The following NEB variants were observed in gnomAD, a reference collection of about 807,000 sequenced individuals.
NEB encodes nebulin, also known as nemaline myopathy type 2.
In NEB, 512 loss-of-function variants were observed where a neutral mutation model predicts 952.2. The ratio of observed to expected loss-of-function variants is 0.54; its 90% confidence interval spans 0.50 to 0.58. NEB has a LOEUF of 0.58. Among genes scored for constraint, NEB ranks in the 20% least tolerant of loss-of-function variants. The pLI is 0.00. For missense variants in NEB, 8,428 were observed against 9,231.1 expected (o/e 0.91, Z 3.56); for synonymous variants, 2,900 against 3,149.8 (o/e 0.92, Z 2.66).
intron 173 of NEB, chr2:151,495,144 A>G (rs958264636): frequency 2.0e-5 from 3 of 152,216 alleles, no homozygotes; most frequent in Non-Finnish European, 4.4e-5. Flanking sequence ...TTTGGCTCTT[A>G]TATCACTATC....
intron 145 of NEB, among the ~76,000 whole-genome samples, chr2:151,529,941 A>C (rs1282407333): frequency 6.6e-6 from 1 of 152,178 alleles, no homozygotes; most frequent in Non-Finnish European, 1.5e-5. Flanking sequence ...ACATCTTGAT[A>C]ACTGCTGATG....
intron 29 of NEB, among the ~76,000 whole-genome samples, chr2:151,681,529 C>T (rs554588837): frequency 4.6e-5 from 7 of 152,298 alleles, no homozygotes; most frequent in East Asian, 1.9e-4. Context: ...ATCACTCTTT[C>T]GGCTTCAGAC....
At chr2:151,575,020 A>G (rs569486464) in intron 107 of NEB, among the ~76,000 whole-genome samples, 53 of 152,308 alleles carry the variant, frequency 3.5e-4, no homozygotes, top group African/African-American at 1.3e-3. Context: ...GATTATAGGC[A>G]TGAGCCACCA....
At position 151,680,848 on chromosome 2, in the gene NEB, G is replaced by C. The variant is rs1247824534; in HGVS notation, c.2944-20C>G. Reference sequence around the variant, plus strand: ...TTTTTTCTGTTTGGCAAATCAAAAAGAGAAAAACAATCTTGTTTTCCACTG... The same window carrying C: ...TTTTTTCTGTTTGGCAAATCAAAAACAGAAAAACAATCTTGTTTTCCACTG... On this transcript the variant is annotated intron_variant, in intron 29 of 181. Coordinates refer to ENST00000397345, the MANE Select transcript of NEB (RefSeq NM_001164508.2). 1.9e-6 allele frequency: 3 copies of C among 1,551,754 alleles called. No homozygotes were observed. Among genetic ancestry groups the C allele is most frequent in the East Asian group, 2.2e-5 (1 of 44,476 alleles).
Position 151,506,571 on chromosome 2 carries a change from G to A in NEB, c.23557-313C>T, listed in dbSNP as rs745617522. Among the ~76,000 whole-genome samples, 43 of 152,138 alleles carry A rather than the reference G, an allele frequency of 2.8e-4. 1 individual carries two copies. The highest frequency in any genetic ancestry group is 5.9e-4 in the Non-Finnish European group (40 of 67,998). On this transcript the variant is annotated intron_variant, in intron 163 of 181. Coordinates refer to ENST00000397345, the MANE Select transcript of NEB (RefSeq NM_001164508.2). ...CATATGTAACACAAAATCCATTAAA[G>A]AAATGCAAACTCAGTCAGTTATTTG...
Position 151,485,913 on chromosome 2 carries a change from A to G in NEB, c.25425T>C (p.Tyr8475=), listed in dbSNP as rs762107118. The part of the protein sequence containing the change: ...STAGKIFRAM[Y]DYMAADADEV... ...CATCTGCATCAGCAGCCATATAGTC[A>G]TACATGGCACGGAAGATTTTCTATT... The change falls in exon 182 of 182, where the codon TAT becomes TAC. Residue 8475 remains tyrosine, a synonymous_variant. Coordinates refer to ENST00000397345, the MANE Select transcript of NEB (RefSeq NM_001164508.2). 3 of 1,613,874 alleles carry G rather than the reference A, an allele frequency of 1.9e-6. No individual in the cohort carries two copies. The South Asian group carries it at 3.3e-5, about 18-fold the overall frequency.
intron 171 of NEB, chr2:151,497,414 C>T (rs1274234561): frequency 1.0e-6 from 1 of 976,228 alleles, no homozygotes; most frequent in Non-Finnish European, 1.2e-6. Context: ...TTGAAAATAC[C>T]AGATGAAATA....
chr2:151,677,749 T>A lies in NEB; in HGVS notation c.3590A>T (p.Asn1197Ile). ...CCAGCCAATGCCTTTCATCCAGTTG[T>A]TGTAGTCTTCCTTGTAGACGTTCTA... Reference protein sequence around the residue: ...QSDNVYKEDYNNWMKGIGWIP... With the variant: ...QSDNVYKEDYINWMKGIGWIP... Residue 1197 changes from asparagine to isoleucine, a missense_variant, in exon 34 of 182, where the codon AAC (asparagine) becomes ATC (isoleucine). Physicochemically the swap from Asn to Ile is moderately radical, Grantham distance 149 (BLOSUM62 -3). Coordinates refer to ENST00000397345, the MANE Select transcript of NEB (RefSeq NM_001164508.2). The A allele has an allele frequency of 1.2e-6, 2 of 1,613,980 alleles. No homozygotes were observed. Among genetic ancestry groups the A allele is most frequent in the Non-Finnish European group, 1.7e-6 (2 of 1,179,884 alleles).
chr2:151,612,069 A>G, intron 78 of NEB, 117 bp downstream of exon 78: 1 of 1,061,692 alleles, frequency 9.4e-7, no homozygotes, highest in Non-Finnish European at 1.4e-6. Flanking sequence ...AAAGGCCTGC[A>G]TGAGAATCAG....
intron 38 of NEB, among the ~76,000 whole-genome samples, chr2:151,670,518 G>C (rs2099273078): frequency 6.7e-6 from 1 of 148,828 alleles, no homozygotes; most frequent in Non-Finnish European, 1.5e-5. Flanking sequence ...AGTCCATACA[G>C]ACGTGGTCTC....
intron 148 of NEB, 104 bp from the exon 149 acceptor site, chr2:151,526,366 C>T (rs2085930248): frequency 1.2e-6 from 1 of 816,452 alleles, no homozygotes; most frequent in African/African-American, 1.7e-5. Flanking sequence ...CAATACTAAA[C>T]TCAATAAAAG....
rs890824441 is a variant in NEB, at chr2:151,498,267, A to G, written c.24200T>C (p.Leu8067Pro). ...MQRVKHNQEN[L>P]SSVLYKENMG... ...CCTTTCTTTCCAAAATACCGAGCTA[A>G]GGTTTTCTTGATTGTGTTTGACTCT... Residue 8067 changes from leucine (L) to proline (P), a missense_variant, in exon 170 of 182, where the codon CTT (leucine) becomes CCT (proline). By Grantham distance (98) the Leu-to-Pro change is moderately conservative. This residue lies in a region of NEB where 3,374 missense variants were observed against 3,651.5 expected (regional missense o/e 0.92). Transcript: ENST00000397345. 1.3e-6 allele frequency: 2 copies of G among 1,551,456 alleles called. No homozygotes were observed. Among genetic ancestry groups the G allele is most frequent in the Non-Finnish European group, 8.7e-7 (1 of 1,146,800 alleles).
At chr2:151,507,635 A>C in intron 162 of NEB, 1 of 219,008 alleles carries the variant, frequency 4.6e-6, no homozygotes, top group African/African-American at 2.3e-5. Context: ...ATCCATAAAA[A>C]TACACATATT....
At chr2:151,498,405 C>A (rs2061812232) in intron 169 of NEB, 53 bp from the exon 170 acceptor site, 3 of 1,349,116 alleles carry the variant, frequency 2.2e-6, no homozygotes, top group Non-Finnish European at 3.1e-6. Context: ...CAGTCATTTT[C>A]CCCCTGCTTT....
chr2:151,494,683 C>G (rs2058941907), intron 173 of NEB, among the ~76,000 whole-genome samples: 1 of 152,066 alleles, frequency 6.6e-6, no homozygotes, highest in Non-Finnish European at 1.5e-5. Context: ...GAGTCTTGCT[C>G]TGTCACCCAG....
chr2:151,706,884 A>G lies in NEB; in HGVS notation c.1149T>C (p.Ser383=). ...ACTTTGACAAAAATATACTTACGTCACTTAGGGCATCTCCTGCTGCCTTCA... is the reference window on the plus strand; with the variant it reads ...ACTTTGACAAAAATATACTTACGTCGCTTAGGGCATCTCCTGCTGCCTTCA... ...RQLKAAGDAL[S]DKLYKENYEK... Residue 383 remains serine, a synonymous_variant, in exon 13 of 182, where the codon AGT becomes AGC. Coordinates refer to ENST00000397345, the MANE Select transcript of NEB (RefSeq NM_001164508.2). 1 of 1,594,848 alleles carries G rather than the reference A, an allele frequency of 6.3e-7. No individual in the cohort carries two copies. Among genetic ancestry groups the G allele is most frequent in the Non-Finnish European group, 8.6e-7 (1 of 1,169,424 alleles).
At position 151,512,767 on chromosome 2, in the gene NEB, A is replaced by G. The variant is rs202042541; in HGVS notation, c.23312T>C (p.Ile7771Thr). Residue 7771 changes from isoleucine to threonine, a missense_variant, in exon 161 of 182, where the codon ATT becomes ACT. Coordinates refer to ENST00000397345, the MANE Select transcript of NEB (RefSeq NM_001164508.2). ...FTSVVDTPEI[I>T]HAQQVKNLSS... ...AAGATTCTTGACTTGTTGGGCATGA[A>G]TGATCTCTGGAGTATCAACCACAGA... 6.2e-7 allele frequency: 1 copy of G among 1,613,916 alleles called. No homozygotes were observed. The highest frequency in any genetic ancestry group is 1.7e-5 in the Admixed American group (1 of 60,030).
chr2:151,628,352 T>A (rs543428309), intron 68 of NEB, among the ~76,000 whole-genome samples: 1 of 152,310 alleles, frequency 6.6e-6, no homozygotes, highest in South Asian at 2.1e-4. Context: ...GTGGTCTGGA[T>A]TATATTCCCA....
intron 110 of NEB, among the ~76,000 whole-genome samples, 188 bp from the exon 111 acceptor site, chr2:151,568,904 C>T (rs2096531471): frequency 6.6e-6 from 1 of 152,106 alleles, no homozygotes; most frequent in Non-Finnish European, 1.5e-5. Context: ...CTTCTTATGC[C>T]TCCCACAGAT....
Sources: gnomAD v4.1 joint callset for allele counts (sites outside exome capture counted in the v4.1 genomes callset) on GRCh38, gnomAD v4.1.1 for gene constraint, gnomAD v4.1.1 regional missense constraint, MANE v1.5 for transcripts, NCBI Gene and HGNC (gene_info 2026-07-23, HGNC 2026-07-21) for gene names.